KCNH7: variants seen among roughly 807,000 people sequenced by gnomAD.
The protein encoded by KCNH7 is potassium voltage-gated channel subfamily H member 7.
A neutral mutation model predicts 120.8 loss-of-function variants in KCNH7; 49 were observed. The ratio of observed to expected loss-of-function variants is 0.41; its 90% CI spans 0.32 to 0.51. The LOEUF is 0.51. Among genes scored for constraint, KCNH7 ranks in the 20% least tolerant of loss-of-function variants. The probability of loss-of-function intolerance (pLI) is 0.38; values close to 1 mark genes in which losing one functional copy is unlikely to be tolerated. For synonymous variants in KCNH7, 547 were observed against 516.1 expected (o/e 1.06, Z -0.81); for missense variants, 1,097 against 1,446.6 (o/e 0.76, Z 3.92).
chr2:162,681,130 T>TTATATC (rs113824954), intron 2 of KCNH7, among the ~76,000 whole-genome samples: 25,643 of 151,606 alleles, frequency 0.17, 2,498 homozygotes, highest in East Asian at 0.46. Context: ...GAAAATGAAT[T>TTATATC]TATTAAAACA....
intron 2 of KCNH7, chr2:162,795,451 A>C (rs1267047132): frequency 2.0e-5 from 3 of 152,006 alleles, no homozygotes; most frequent in Non-Finnish European, 2.9e-5. Flanking sequence ...TGGTTAAAGT[A>C]TGGTGAAGTC....
chr2:162,410,223 A>AAAAC (rs1456633916), intron 9 of KCNH7, among the ~76,000 whole-genome samples: 1 of 152,134 alleles, frequency 6.6e-6, no homozygotes, highest in Non-Finnish European at 1.5e-5. Flanking sequence ...AACTGGTACA[A>AAAAC]AAACAAACAT....
In KCNH7 at chr2:162,586,729, A is replaced by G. The variant is rs145782520; in HGVS notation, c.308-49649T>C. ...TTGAATTTAGAATCAACACAAATTAAAAGTTGTAAGTTTATTATAAAATTA... is the reference window on the plus strand; with the variant it reads ...TTGAATTTAGAATCAACACAAATTAGAAGTTGTAAGTTTATTATAAAATTA... On this transcript the variant is annotated intron_variant, in intron 2 of 15. Coordinates refer to ENST00000332142, the MANE Select transcript of KCNH7 (RefSeq NM_033272.4). Among the ~76,000 whole-genome samples the G allele has an allele frequency of 5.1e-3, 779 of 151,838 alleles. 10 individuals carry two copies. Among genetic ancestry groups the G allele is most frequent in the African/African-American group, 0.018 (743 of 41,446 alleles).
chr2:162,680,010 T>C (rs775224106), intron 2 of KCNH7, among the ~76,000 whole-genome samples: 3 of 151,816 alleles, frequency 2.0e-5, no homozygotes, highest in Non-Finnish European at 4.4e-5. Flanking sequence ...TATGGCATCT[T>C]TCTAGATAAA....
chr2:162,818,508 G>A (rs1684992843), intron 2 of KCNH7, among the ~76,000 whole-genome samples: 1 of 151,946 alleles, frequency 6.6e-6, no homozygotes, highest in Non-Finnish European at 1.5e-5. Flanking sequence ...CTTAAAATGA[G>A]GTGCCTTGAG....
chr2:162,825,460 T>C (rs75874533), intron 2 of KCNH7, among the ~76,000 whole-genome samples: 3,923 of 152,076 alleles, frequency 0.026, 161 homozygotes, highest in African/African-American at 0.089. Flanking sequence ...ATGCTAAGTT[T>C]TATTGGACAC....
intron 2 of KCNH7, among the ~76,000 whole-genome samples, chr2:162,635,855 T>G (rs10930063): frequency 0.1 from 15,778 of 152,058 alleles, 1,519 homozygotes; most frequent in East Asian, 0.3. Flanking sequence ...AAATTCCCTA[T>G]GAGTTTTCAT....
chr2:162,373,584 G>A lies in KCNH7; in HGVS notation c.3210C>T (p.Ala1070=). ...CTGATCCTGCTGTTACCATACTGTA[G>A]GCTGGGGGGACCACAGTGGTTTGTT... ...LQKQTTVVPP[A]YSMVTAGSEY... The change falls in exon 15 of 16, where the codon GCC becomes GCT. Residue 1070 remains alanine, a synonymous_variant. Transcript: ENST00000332142. 1 of 1,585,388 alleles carries A rather than the reference G, an allele frequency of 6.3e-7. No individual in the cohort carries two copies. Among genetic ancestry groups the A allele is most frequent in the Non-Finnish European group, 8.6e-7 (1 of 1,165,532 alleles).
intron 2 of KCNH7, among the ~76,000 whole-genome samples, chr2:162,583,313 C>G (rs1295111852): frequency 6.6e-6 from 1 of 152,038 alleles, no homozygotes; most frequent in Non-Finnish European, 1.5e-5. Flanking sequence ...AAAATTTAGA[C>G]ATACTTTCAG....
intron 6 of KCNH7, among the ~76,000 whole-genome samples, chr2:162,503,238 T>C (rs1459499888): frequency 6.6e-6 from 1 of 152,010 alleles, no homozygotes; most frequent in Non-Finnish European, 1.5e-5. Context: ...TTGATTCCTA[T>C]ATATTCATAT....
intron 2 of KCNH7, among the ~76,000 whole-genome samples, chr2:162,786,340 C>A (rs1156436314): frequency 3.3e-5 from 5 of 151,976 alleles, no homozygotes; most frequent in East Asian, 1.9e-4. Flanking sequence ...CCTATGTCAA[C>A]CCCTCCTTAC....
intron 2 of KCNH7, among the ~76,000 whole-genome samples, chr2:162,575,073 T>C (rs1474690572): frequency 6.6e-6 from 1 of 152,022 alleles, no homozygotes; most frequent in African/African-American, 2.4e-5. Flanking sequence ...TCATACCAGG[T>C]CTTGCCTCTG....
At chr2:162,654,257 T>C (rs1684667544) in intron 2 of KCNH7, among the ~76,000 whole-genome samples, 1 of 151,946 alleles carries the variant, frequency 6.6e-6, no homozygotes, top group Admixed American at 6.6e-5. Flanking sequence ...GATATGTGTT[T>C]AATATTCAAA....
intron 2 of KCNH7, among the ~76,000 whole-genome samples, chr2:162,577,577 T>A (rs1693731105): frequency 6.6e-6 from 1 of 151,960 alleles, no homozygotes; most frequent in Non-Finnish European, 1.5e-5. Flanking sequence ...GCTTCCCCAT[T>A]CCTATGATTT....
At chr2:162,686,525 T>A (rs1453167059) in intron 2 of KCNH7, among the ~76,000 whole-genome samples, 1 of 151,794 alleles carries the variant, frequency 6.6e-6, no homozygotes, top group Non-Finnish European at 1.5e-5. Context: ...GGTTACCCAG[T>A]GAGACAATGT....
In KCNH7 at chr2:162,660,765, T is replaced by C. The variant is rs529879961; in HGVS notation, c.308-123685A>G. On this transcript the variant is annotated intron_variant, in intron 2 of 15. Transcript: ENST00000332142. ...GTCAAACAAACAAAAAACACCTGCT[T>C]GAAATATTACAATGTGTTAAATCTA... 2.2e-3 allele frequency among the ~76,000 whole-genome samples: 338 copies of C among 152,338 alleles called. 2 individuals are homozygous for C. The highest frequency in any genetic ancestry group is 3.9e-3 in the Non-Finnish European group (263 of 68,018).
At chr2:162,741,147 AT>A in intron 2 of KCNH7, among the ~76,000 whole-genome samples, 1 of 151,832 alleles carries the variant, frequency 6.6e-6, no homozygotes, top group East Asian at 1.9e-4. Context: ...GTTTCATGTC[AT>A]GGCATAGTGA....
intron 5 of KCNH7, among the ~76,000 whole-genome samples, chr2:162,508,327 T>G (rs1483488254): frequency 6.3e-5 from 9 of 142,994 alleles, no homozygotes; most frequent in Admixed American, 6.3e-4. Flanking sequence ...CTATTCTGGG[T>G]TTTTTTTTTT....
intron 8 of KCNH7, among the ~76,000 whole-genome samples, chr2:162,431,159 C>T (rs1688052568): frequency 6.6e-6 from 1 of 151,958 alleles, no homozygotes; most frequent in Non-Finnish European, 1.5e-5. Context: ...TAGTTTCCTT[C>T]AATTATATCG....
Sources: allele counts gnomAD v4.1 joint callset (sites outside exome capture counted in the v4.1 genomes callset), GRCh38; gene constraint gnomAD v4.1.1; transcripts MANE v1.5; gene names NCBI Gene and HGNC (gene_info 2026-07-23, HGNC 2026-07-21).